The following SRD5A2 variants were observed in gnomAD, a reference collection of about 807,000 sequenced individuals.
The protein encoded by SRD5A2 is 3-oxo-5-alpha-steroid 4-dehydrogenase 2.
SRD5A2 carries 30 observed loss-of-function variants against 27.4 expected under a neutral mutation model. That is an observed-to-expected ratio of 1.10 (90% CI 0.82 to 1.49). SRD5A2 has a LOEUF of 1.49. SRD5A2 is among the 40% of genes most tolerant of loss of function. The probability of loss-of-function intolerance (pLI) is 0.00; values close to 1 mark genes in which losing one functional copy is unlikely to be tolerated. For synonymous variants in SRD5A2, 141 were observed against 133.6 expected (o/e 1.06, Z -0.38); for missense variants, 348 against 323.4 (o/e 1.08, Z -0.58).
At chr2:31,622,577 G>C in the SRD5A2 span, among the ~76,000 whole-genome samples, 1 of 151,998 alleles carries the variant, frequency 6.6e-6, no homozygotes, top group Non-Finnish European at 1.5e-5. Flanking sequence ...GAGAAGAATT[G>C]GGCCCTTCCT....
chr2:31,641,783 A>AAAC, the SRD5A2 span, among the ~76,000 whole-genome samples: 1 of 152,102 alleles, frequency 6.6e-6, no homozygotes, highest in African/African-American at 2.4e-5. Flanking sequence ...TGGGGGAAAA[A>AAAC]AACAACACTC....
At chr2:31,564,479 A>G (rs987417537) in intron 1 of SRD5A2, among the ~76,000 whole-genome samples, 3 of 152,174 alleles carry the variant, frequency 2.0e-5, no homozygotes, top group Admixed American at 2.0e-4. Context: ...AAGGAGAAGT[A>G]GGGAGGGAAT....
At chr2:31,529,900 T>C (rs1225271185) in intron 3 of SRD5A2, among the ~76,000 whole-genome samples, 2 of 152,094 alleles carry the variant, frequency 1.3e-5, no homozygotes, top group Non-Finnish European at 2.9e-5. Flanking sequence ...ATAATAAAAA[T>C]CTGAACTCAC....
intron 2 of SRD5A2, among the ~76,000 whole-genome samples, chr2:31,531,766 A>C (rs1369523733): frequency 6.6e-6 from 1 of 152,182 alleles, no homozygotes; most frequent in Non-Finnish European, 1.5e-5. Flanking sequence ...TTAAATAGAT[A>C]AACAAACAAA....
chr2:31,603,356 C>A, the SRD5A2 span, among the ~76,000 whole-genome samples: 2 of 152,006 alleles, frequency 1.3e-5, no homozygotes, highest in Admixed American at 6.6e-5. Context: ...AGTGAGGTAC[C>A]ATCTCATGCC....
At chr2:31,620,516 T>A in the SRD5A2 span, among the ~76,000 whole-genome samples, 1 of 152,092 alleles carries the variant, frequency 6.6e-6, no homozygotes, top group Non-Finnish European at 1.5e-5. Flanking sequence ...TGTACAAAAA[T>A]CGCTAGTACT....
At chr2:31,561,897 G>T (rs2300699) in intron 1 of SRD5A2, among the ~76,000 whole-genome samples, 104,788 of 151,998 alleles carry the variant, frequency 0.69, 36,545 homozygotes, top group African/African-American at 0.77. Context: ...CTAGTTTACC[G>T]TTTTCTATAA....
chr2:31,660,536 T>C, the SRD5A2 span, among the ~76,000 whole-genome samples: 1 of 152,004 alleles, frequency 6.6e-6, no homozygotes, highest in East Asian at 1.9e-4. Context: ...CGGGTGATTA[T>C]GCTGTGTCAA....
At chr2:31,571,590 A>G (rs1245451994) in intron 1 of SRD5A2, among the ~76,000 whole-genome samples, 1 of 152,258 alleles carries the variant, frequency 6.6e-6, no homozygotes. Context: ...TGCAACTTAC[A>G]GAATGGGAAA....
At chr2:31,582,123 T>G (rs183056122), upstream of SRD5A2, among the ~76,000 whole-genome samples, 20 of 152,278 alleles carry the variant, frequency 1.3e-4, no homozygotes, top group East Asian at 3.5e-3. Context: ...TTTATCCCTG[T>G]TTTCTCCTCT....
In SRD5A2 at chr2:31,526,105, G is replaced by C; in HGVS notation, c.*91C>G. ...AGGAGACCTACTATTACATATATACGGGACTATTATATCATGAAAATTACA... is the reference window on the plus strand; with the variant it reads ...AGGAGACCTACTATTACATATATACCGGACTATTATATCATGAAAATTACA... On this transcript the variant is annotated 3_prime_UTR_variant, in exon 5 of 5. Transcript: ENST00000622030. 2 of 797,454 alleles carry C rather than the reference G, an allele frequency of 2.5e-6. No homozygotes were observed. Among genetic ancestry groups the C allele is most frequent in the Non-Finnish European group, 2.0e-6 (1 of 499,294 alleles). 49.4% of individuals were successfully genotyped at this position (797,454 alleles called of 1,614,324 possible).
chr2:31,624,929 C>T, the SRD5A2 span, among the ~76,000 whole-genome samples: 1 of 152,154 alleles, frequency 6.6e-6, no homozygotes, highest in East Asian at 1.9e-4. Context: ...CTTGAGGAAT[C>T]TCCACACTGT....
the SRD5A2 span, among the ~76,000 whole-genome samples, chr2:31,635,331 G>T: frequency 6.6e-6 from 1 of 151,946 alleles, no homozygotes. Flanking sequence ...ATACCTGTTG[G>T]CCATTTGTAT....
intron 1 of SRD5A2, among the ~76,000 whole-genome samples, chr2:31,539,546 G>C (rs1455022605): frequency 6.6e-6 from 1 of 152,166 alleles, no homozygotes. Flanking sequence ...GCTGGGTAGG[G>C]AGTCAGGAAT....
chr2:31,615,437 G>A, the SRD5A2 span, among the ~76,000 whole-genome samples: 1 of 152,178 alleles, frequency 6.6e-6, no homozygotes, highest in Non-Finnish European at 1.5e-5. Context: ...GGTGACTCTT[G>A]CTATGTTTTA....
intron 1 of SRD5A2, among the ~76,000 whole-genome samples, chr2:31,578,833 T>C (rs1667013235): frequency 6.6e-6 from 1 of 152,362 alleles, no homozygotes; most frequent in East Asian, 1.9e-4. Flanking sequence ...AAAGTGCCTT[T>C]TGATTTCAAA....
intron 1 of SRD5A2, among the ~76,000 whole-genome samples, chr2:31,567,098 C>A (rs1179456284): frequency 2.0e-5 from 3 of 152,114 alleles, no homozygotes; most frequent in Non-Finnish European, 4.4e-5. Context: ...ATATTGATTA[C>A]AATCAATCCC....
chr2:31,599,270 C>T, the SRD5A2 span, among the ~76,000 whole-genome samples: 1 of 151,666 alleles, frequency 6.6e-6, no homozygotes, highest in Non-Finnish European at 1.5e-5. Context: ...GAAAATCAAC[C>T]AAGAAATGTC....
At chr2:31,654,380 G>C in the SRD5A2 span, among the ~76,000 whole-genome samples, 1 of 152,156 alleles carries the variant, frequency 6.6e-6, no homozygotes, top group African/African-American at 2.4e-5. Flanking sequence ...GCAGGAACTG[G>C]AGCAAACATA....
Sources: allele counts gnomAD v4.1 joint callset (sites outside exome capture counted in the v4.1 genomes callset), GRCh38; gene constraint gnomAD v4.1.1; transcripts MANE v1.5; gene names NCBI Gene and HGNC (gene_info 2026-07-23, HGNC 2026-07-21).